Variants in CCND3 observed in about 807,000 individuals in gnomAD.
CCND3 encodes cyclin D3, also known as G1/S-specific cyclin-D3.
A neutral mutation model predicts 28.7 loss-of-function variants in CCND3; 9 were observed. The ratio of observed to expected loss-of-function variants is 0.31; its 90% CI spans 0.19 to 0.55. CCND3 has a LOEUF of 0.55. Ranked by LOEUF, CCND3 falls within the 20% of genes least tolerant of loss-of-function variation. The pLI is 0.93. For missense variants in CCND3, 315 were observed against 385.8 expected (o/e 0.82, Z 1.54); for synonymous variants, 164 against 163.9 (o/e 1.00, Z 0.00).
intron 1 of CCND3, among the ~76,000 whole-genome samples, chr6:42,044,835 C>A (rs1490060524): frequency 6.6e-6 from 1 of 150,680 alleles, no homozygotes; most frequent in Non-Finnish European, 1.5e-5. Flanking sequence ...GTTGCCCAGG[C>A]TGGAGTGCGA....
At chr6:41,954,084 C>G (rs1776378676) in intron 1 of CCND3, among the ~76,000 whole-genome samples, 1 of 150,982 alleles carries the variant, frequency 6.6e-6, no homozygotes, top group Non-Finnish European at 1.5e-5. Context: ...AACCCCATCT[C>G]CACTAAAAAT....
At chr6:41,987,804 G>A (rs543218302) in intron 1 of CCND3, among the ~76,000 whole-genome samples, 64 of 151,528 alleles carry the variant, frequency 4.2e-4, no homozygotes, top group Middle Eastern at 3.4e-3. Flanking sequence ...GACAGGCCAC[G>A]GAATTTTTTT....
In CCND3 at chr6:42,048,769, C is replaced by G. The variant is rs1179279309; in HGVS notation, c.-314G>C. Reference sequence around the variant, plus strand: ...GGCGGAGGAGACAAAGGGGCTGGTGCTCTGCTCAGCCAAGTTTCGGTCCCC... The same window carrying G: ...GGCGGAGGAGACAAAGGGGCTGGTGGTCTGCTCAGCCAAGTTTCGGTCCCC... On this transcript the variant is annotated 5_prime_UTR_variant, in exon 1 of 5. Coordinates refer to the CCND3 transcript ENST00000372988. This position sits in a 1 kb window ranked among gnomAD's most constrained non-coding sequence, Gnocchi z 4.7. 1 of 459,502 alleles carries G rather than the reference C, an allele frequency of 2.2e-6. No individual in the cohort carries two copies. Among genetic ancestry groups the G allele is most frequent in the East Asian group, 6.7e-5 (1 of 14,830 alleles). The allele number at this position is 459,502 out of a possible 1,614,324, so 28.5% of individuals were successfully genotyped here.
intron 1 of CCND3, among the ~76,000 whole-genome samples, chr6:41,974,792 CTT>C (rs762947208): frequency 5.6e-5 from 7 of 125,814 alleles, no homozygotes; most frequent in Admixed American, 1.8e-4. Context: ...CCCCACAGTT[CTT>C]TTTTTTTTTT....
At chr6:41,943,113 C>T (rs533403693), upstream of CCND3, among the ~76,000 whole-genome samples, 235 of 152,204 alleles carry the variant, frequency 1.5e-3, 1 homozygote, top group Non-Finnish European at 2.6e-3. Context: ...CCGCCGGTCT[C>T]GGCCTCCAAA....
At chr6:41,953,125 C>T (rs902821770) in intron 1 of CCND3, among the ~76,000 whole-genome samples, 4 of 149,996 alleles carry the variant, frequency 2.7e-5, no homozygotes, top group South Asian at 2.1e-4. Context: ...TACAAAAATT[C>T]GCCGGGCGTG....
chr6:41,987,361 G>A (rs1762507407), intron 1 of CCND3, among the ~76,000 whole-genome samples: 1 of 151,844 alleles, frequency 6.6e-6, no homozygotes, highest in East Asian at 1.9e-4. Flanking sequence ...AAAAGACTGG[G>A]TGCTTATACA....
At chr6:41,951,062 A>G (rs568729585) in intron 1 of CCND3, among the ~76,000 whole-genome samples, 3 of 151,972 alleles carry the variant, frequency 2.0e-5, no homozygotes, top group Non-Finnish European at 4.4e-5. Context: ...ATGATCCTCC[A>G]TGATGCAGGA....
chr6:41,935,010 A>T lies in CCND3; in HGVS notation c.*930T>A, dbSNP rs1022669539. 8.6e-6 allele frequency: 2 copies of T among 232,650 alleles called. No homozygotes were observed. The highest frequency in any genetic ancestry group is 2.2e-5 in the African/African-American group (1 of 45,310). The allele number at this position is 232,650 out of a possible 1,614,324, so 14.4% of individuals were successfully genotyped here. ...TGATGGTCCTGGGCCACCAGCCTAA[A>T]CCTTGCAGCCTTAGGAAAGACCTGT... is the stretch of plus-strand genomic sequence containing the variant. On this transcript the variant is annotated 3_prime_UTR_variant, in exon 5 of 5. Transcript: ENST00000372991.
intron 1 of CCND3, among the ~76,000 whole-genome samples, chr6:42,005,964 G>C (rs1232873673): frequency 6.6e-6 from 1 of 151,970 alleles, no homozygotes; most frequent in East Asian, 1.9e-4. Flanking sequence ...TTACGGGTAT[G>C]AGCAACCGCG....
At chr6:42,006,203 A>T (rs1463284239) in intron 1 of CCND3, among the ~76,000 whole-genome samples, 1 of 151,664 alleles carries the variant, frequency 6.6e-6, no homozygotes, top group African/African-American at 2.4e-5. Flanking sequence ...GTAACTTATA[A>T]CACTCATAGA....
At chr6:42,036,068 G>A (rs1764198985) in intron 1 of CCND3, among the ~76,000 whole-genome samples, 1 of 148,568 alleles carries the variant, frequency 6.7e-6, no homozygotes, top group Admixed American at 6.7e-5. Context: ...TTAGCTTGCT[G>A]CGCAACCTCT....
rs372957647 is a variant in CCND3, at chr6:42,009,242, G to A, written c.-46+39259C>T. ...TATAACCCCAGCACTTTGGGGGGCC[G>A]AGGCAGTTGGATTGCCTGAGCCCAG... On this transcript the variant is annotated intron_variant, in intron 1 of 4. Coordinates refer to the CCND3 transcript ENST00000372988. Among the ~76,000 whole-genome samples, 279 of 152,242 alleles carry A rather than the reference G, an allele frequency of 1.8e-3. 1 individual carries two copies. Among genetic ancestry groups the A allele is most frequent in the Middle Eastern group, 0.01 (3 of 294 alleles).
At chr6:42,044,193 C>T (rs753927290) in intron 1 of CCND3, among the ~76,000 whole-genome samples, 5 of 152,222 alleles carry the variant, frequency 3.3e-5, no homozygotes, top group Non-Finnish European at 5.9e-5. Context: ...ACGTTCTGGC[C>T]GGAGCCTGGA....
chr6:42,046,087 T>C (rs1764534237), intron 1 of CCND3, among the ~76,000 whole-genome samples: 1 of 152,194 alleles, frequency 6.6e-6, no homozygotes, highest in Non-Finnish European at 1.5e-5. Context: ...TCAATACCCA[T>C]GCCCCCAACA....
At position 41,935,486 on chromosome 6, in the gene CCND3, C is replaced by G. The variant is rs1343779911; in HGVS notation, c.*454G>C. On this transcript the variant is annotated 3_prime_UTR_variant, in exon 5 of 5. Coordinates refer to ENST00000372991, the MANE Select transcript of CCND3 (RefSeq NM_001760.5). ...TGAGAGGAGCCATCTAGACTATTCC[C>G]CCTCATATGTGTCTATCATGCATTA... 7 of 282,708 alleles carry G rather than the reference C, an allele frequency of 2.5e-5. No individual in the cohort carries two copies. The East Asian group carries it at 3.7e-4, about 15-fold the overall frequency. The allele number at this position is 282,708 out of a possible 1,614,324, so 17.5% of individuals were successfully genotyped here.
At chr6:41,968,124 A>G (rs982089405) in intron 1 of CCND3, among the ~76,000 whole-genome samples, 1 of 152,210 alleles carries the variant, frequency 6.6e-6, no homozygotes, top group African/African-American at 2.4e-5. Context: ...GCTGATATCA[A>G]TGAAGATAAC....
chr6:42,048,626 C>T lies in CCND3; in HGVS notation c.-171G>A. On this transcript the variant is annotated 5_prime_UTR_variant, in exon 1 of 5. Transcript: ENST00000372988. This position sits in a 1 kb window ranked among gnomAD's most constrained non-coding sequence, Gnocchi z 4.7. ...CACCAGCCGCGAGGAGAGGATTGCA[C>T]CTCTCCCCCCCGGCCGGCATCCGAA... is the stretch of plus-strand genomic sequence containing the variant. 1 of 517,924 alleles carries T rather than the reference C, an allele frequency of 1.9e-6. No homozygotes were observed. The highest frequency in any genetic ancestry group is 3.9e-6 in the Non-Finnish European group (1 of 259,540). The allele number at this position is 517,924 out of a possible 1,614,324, so 32.1% of individuals were successfully genotyped here.
At chr6:42,023,183 G>A (rs946939434) in intron 1 of CCND3, among the ~76,000 whole-genome samples, 2 of 152,212 alleles carry the variant, frequency 1.3e-5, no homozygotes, top group Admixed American at 6.5e-5. Context: ...TTCAGCTCTC[G>A]TAATGTAAAC....
Sources: gnomAD v4.1 joint callset for allele counts (sites outside exome capture counted in the v4.1 genomes callset) on GRCh38, gnomAD v4.1.1 for gene constraint, Gnocchi (gnomAD v3.1) non-coding constraint, MANE v1.5 for transcripts, NCBI Gene and HGNC (gene_info 2026-07-23, HGNC 2026-07-21) for gene names.